The following DENND6A variants were observed in gnomAD, a reference collection of about 807,000 sequenced individuals.
The protein encoded by DENND6A is protein DENND6A.
In DENND6A, 43 loss-of-function variants were observed where a neutral mutation model predicts 95.5. The observed-to-expected ratio is 0.45, with a 90% CI of 0.35 to 0.58. The LOEUF (loss-of-function observed/expected upper bound fraction) is 0.58, where lower values mean the gene tolerates loss of function less well. DENND6A is among the 20% of genes least tolerant of loss of function. The pLI, the probability that DENND6A is intolerant of heterozygous loss-of-function variation, is 0.00. For missense variants in DENND6A, 574 were observed against 736.0 expected (o/e 0.78, Z 2.55); for synonymous variants, 257 against 260.4 (o/e 0.99, Z 0.13).
chr3:57,635,638 C>G (rs1033860574), intron 12 of DENND6A, among the ~76,000 whole-genome samples: 1 of 152,110 alleles, frequency 6.6e-6, no homozygotes, highest in Non-Finnish European at 1.5e-5. Flanking sequence ...TTACATAGAT[C>G]AAACTGCTAA....
At chr3:57,662,892 G>T (rs1214282202) in intron 5 of DENND6A, among the ~76,000 whole-genome samples, 1 of 152,020 alleles carries the variant, frequency 6.6e-6, no homozygotes, top group Non-Finnish European at 1.5e-5. Context: ...GTCGAGGTGG[G>T]TGGATCACCT....
rs2070591733 is a variant in DENND6A, at chr3:57,628,806, C to G, written c.1695+5G>C. ...ATTTAATCTTTGGCTGTTTTGGCTACATACCAGCTTATTTTTCAGCTTCAA... is the reference window on the plus strand; with the variant it reads ...ATTTAATCTTTGGCTGTTTTGGCTAGATACCAGCTTATTTTTCAGCTTCAA... On this transcript the variant is annotated splice_donor_5th_base_variant and intron_variant, in intron 19 of 19. Transcript: ENST00000311128. 1 of 1,610,100 alleles carries G rather than the reference C, an allele frequency of 6.2e-7. No individual in the cohort carries two copies. The highest frequency in any genetic ancestry group is 8.5e-7 in the Non-Finnish European group (1 of 1,179,120).
intron 1 of DENND6A, among the ~76,000 whole-genome samples, chr3:57,675,628 C>T (rs2071696069): frequency 6.6e-6 from 1 of 152,198 alleles, no homozygotes; most frequent in Admixed American, 6.5e-5. Context: ...TCTGATGAAA[C>T]TCCTGCCCCA....
intron 11 of DENND6A, among the ~76,000 whole-genome samples, chr3:57,642,907 G>A (rs1319682436): frequency 1.3e-5 from 2 of 151,760 alleles, no homozygotes; most frequent in Non-Finnish European, 2.9e-5. Flanking sequence ...TGGGGAGGCT[G>A]AGGCAGGAGA....
rs768788012 is a variant in DENND6A at position 57,641,783 on chromosome 3, G to A, written c.1038-36C>T. 11 of 1,542,864 alleles carry A rather than the reference G, an allele frequency of 7.1e-6. No homozygotes were observed. The East Asian group carries it at 2.3e-4, about 32-fold the overall frequency. ...CAAAACAAAACAAAATAAAAAAGGT[G>A]AGAAAAAGATGAATGCTAAATCAGT... is the stretch of plus-strand genomic sequence containing the variant. On this transcript the variant is annotated intron_variant, in intron 11 of 19. Transcript: ENST00000311128.
At chr3:57,666,072 G>A in intron 4 of DENND6A, 51 bp downstream of exon 4, 1 of 1,481,128 alleles carries the variant, frequency 6.8e-7, no homozygotes, top group Non-Finnish European at 9.4e-7. Flanking sequence ...GAATAAATGA[G>A]TTCTAAAGTT....
At chr3:57,631,076 C>T (rs1396376993) in intron 15 of DENND6A, 98 bp from the exon 16 acceptor site, 1 of 1,049,646 alleles carries the variant, frequency 9.5e-7, no homozygotes, top group Non-Finnish European at 1.4e-6. Flanking sequence ...TAATCATATG[C>T]CCTTTCAATG....
chr3:57,641,288 A>G (rs1391325134), intron 12 of DENND6A, among the ~76,000 whole-genome samples: 1 of 143,826 alleles, frequency 7.0e-6, no homozygotes, highest in Non-Finnish European at 1.5e-5. Flanking sequence ...ATATATTTAA[A>G]TATTATATAT....
At chr3:57,689,416 T>G (rs923730120) in intron 1 of DENND6A, among the ~76,000 whole-genome samples, 1 of 152,184 alleles carries the variant, frequency 6.6e-6, no homozygotes, top group Non-Finnish European at 1.5e-5. Flanking sequence ...AGGTACAGTA[T>G]ATCAAACCCA....
At chr3:57,691,669 C>CAAAA (rs71091304) in intron 1 of DENND6A, among the ~76,000 whole-genome samples, 149 of 93,526 alleles carry the variant, frequency 1.6e-3, no homozygotes, top group Non-Finnish European at 2.1e-3. Context: ...TCACCAATAC[C>CAAAA]AAAAAAAAAA....
chr3:57,684,010 C>T (rs546480232), intron 1 of DENND6A, among the ~76,000 whole-genome samples: 3 of 151,622 alleles, frequency 2.0e-5, no homozygotes, highest in Non-Finnish European at 4.4e-5. Flanking sequence ...AAAATTAGCC[C>T]GGTGTGGTGG....
intron 3 of DENND6A, 59 bp downstream of exon 3, chr3:57,672,197 A>T: frequency 7.0e-7 from 1 of 1,436,188 alleles, no homozygotes; most frequent in Non-Finnish European, 9.5e-7. Context: ...ATACATTAAC[A>T]GTATAACCAG....
chr3:57,626,563 GC>G lies in DENND6A; in HGVS notation c.*1650del, dbSNP rs1234873866. The G allele has an allele frequency of 2.0e-5, 3 of 152,122 alleles. No individual in the cohort carries two copies. Among genetic ancestry groups the G allele is most frequent in the Admixed American group, 1.3e-4 (2 of 15,250 alleles). 9.4% of individuals were successfully genotyped at this position (152,122 alleles called of 1,614,324 possible). A position where few individuals can be genotyped will look rare whatever the true frequency, so the allele number is the denominator to read the frequency against. ...CATCTCTACTAAAAATACAAAATTA[GC>G]CAGGCGTGGTGGCACATACCTGTAA... On this transcript the variant is annotated 3_prime_UTR_variant, in exon 20 of 20. Transcript: ENST00000311128.
chr3:57,631,103 T>G (rs2070661056), intron 15 of DENND6A, 125 bp from the exon 16 acceptor site: 4 of 747,222 alleles, frequency 5.4e-6, no homozygotes, highest in African/African-American at 1.8e-5. Flanking sequence ...AACAACTCCA[T>G]CACTCCCCAC....
rs377349945 is a variant in DENND6A at position 57,630,861 on chromosome 3, G to A, written c.1408-37C>T. ...GACATATAATATTTAGAAATTAGGA[G>A]TGGATATGTTCACAGAAGTTAATTA... On this transcript the variant is annotated intron_variant, in intron 16 of 19. Transcript: ENST00000311128. 12 of 1,610,466 alleles carry A rather than the reference G, an allele frequency of 7.5e-6. No individual in the cohort carries two copies. In the African/African-American group the frequency reaches 1.5e-4, roughly 20 times the overall value.
intron 1 of DENND6A, 64 bp from the exon 2 acceptor site, chr3:57,672,502 G>T: frequency 6.6e-7 from 1 of 1,515,214 alleles, no homozygotes. Context: ...CATATTATAG[G>T]CCAGGCACGG....
intron 12 of DENND6A, among the ~76,000 whole-genome samples, chr3:57,635,110 C>T (rs1333019630): frequency 3.9e-5 from 6 of 152,076 alleles, no homozygotes; most frequent in Non-Finnish European, 8.8e-5. Flanking sequence ...AATTTAGATG[C>T]TGAATAGGAA....
At chr3:57,656,339 G>A (rs1475475541) in intron 9 of DENND6A, among the ~76,000 whole-genome samples, 2 of 152,088 alleles carry the variant, frequency 1.3e-5, no homozygotes, top group Non-Finnish European at 1.5e-5. Context: ...TCACATTGTT[G>A]CATGTATCAA....
In DENND6A at chr3:57,657,600, T is replaced by A. The variant is rs1430232266; in HGVS notation, c.818+80A>T. The A allele has an allele frequency of 4.3e-6, 4 of 926,436 alleles. No homozygotes were observed. In the African/African-American group the frequency reaches 5.1e-5, roughly 12 times the overall value. The allele number at this position is 926,436 out of a possible 1,614,324, so 57.4% of individuals were successfully genotyped here. ...CTTCCAATTTTTTCCACATCCTATA[T>A]AATATTCATTTTTTAAATAAATTAA... On this transcript the variant is annotated intron_variant, in intron 9 of 19. Coordinates refer to ENST00000311128, the MANE Select transcript of DENND6A (RefSeq NM_152678.3).
Sources: allele counts gnomAD v4.1 joint callset (sites outside exome capture counted in the v4.1 genomes callset), GRCh38; gene constraint gnomAD v4.1.1; transcripts MANE v1.5; gene names NCBI Gene and HGNC (gene_info 2026-07-23, HGNC 2026-07-21).